PTPRM: variants seen among roughly 807,000 people sequenced by gnomAD.
PTPRM encodes receptor-type tyrosine-protein phosphatase mu.
A neutral mutation model predicts 186.7 loss-of-function variants in PTPRM; 47 were observed. The observed-to-expected ratio is 0.25, with a 90% CI of 0.20 to 0.32. The LOEUF is 0.32. Ranked by LOEUF, PTPRM falls within the 10% of genes least tolerant of loss-of-function variation. PTPRM has a pLI of 1.00. For missense variants in PTPRM, 1,494 were observed against 1,865.0 expected, an observed-to-expected ratio of 0.80 and a Z score of 3.66; for synonymous variants, 668 against 674.9, an observed-to-expected ratio of 0.99 and a Z score of 0.16.
At chr18:8,235,385 A>G (rs1417809112) in intron 14 of PTPRM, among the ~76,000 whole-genome samples, 1 of 150,128 alleles carries the variant, frequency 6.7e-6, no homozygotes, top group East Asian at 2.0e-4. Flanking sequence ...ATTCTTTATT[A>G]TCCTTTTAAT....
chr18:7,983,413 G>T (rs2082664956), intron 7 of PTPRM, among the ~76,000 whole-genome samples: 1 of 151,992 alleles, frequency 6.6e-6, no homozygotes, highest in African/African-American at 2.4e-5. Context: ...AAAAAGTTTG[G>T]GGCCTGTTGG....
intron 1 of PTPRM, among the ~76,000 whole-genome samples, chr18:7,771,328 T>A (rs1286616108): frequency 2.6e-5 from 4 of 152,230 alleles, no homozygotes; most frequent in Non-Finnish European, 5.9e-5. Context: ...CATTTGAGCT[T>A]ATTGCTAGAA....
At chr18:7,858,471 T>C (rs904199625) in intron 2 of PTPRM, among the ~76,000 whole-genome samples, 23 of 152,222 alleles carry the variant, frequency 1.5e-4, no homozygotes, top group African/African-American at 5.3e-4. Flanking sequence ...GGTGGGAAGA[T>C]TGATCGCTTG....
chr18:8,172,265 C>CTTT (rs869079652), intron 14 of PTPRM, among the ~76,000 whole-genome samples: 1 of 137,828 alleles, frequency 7.3e-6, no homozygotes. Context: ...AAGTCTTGAC[C>CTTT]TTTTTTTTTT....
At chr18:7,961,258 A>G (rs564132329) in intron 7 of PTPRM, among the ~76,000 whole-genome samples, 1 of 152,302 alleles carries the variant, frequency 6.6e-6, no homozygotes, top group African/African-American at 2.4e-5. Flanking sequence ...GAAACACTGC[A>G]TCCACTAAAC....
intron 14 of PTPRM, 140 bp from the exon 15 acceptor site, chr18:8,243,918 A>G (rs1199905866): frequency 6.3e-6 from 5 of 798,654 alleles, no homozygotes; most frequent in Non-Finnish European, 7.6e-6. Flanking sequence ...TGCTTGCCAC[A>G]AATAAGGCAC....
chr18:8,116,031 T>C (rs1318583926), intron 13 of PTPRM, among the ~76,000 whole-genome samples: 2 of 152,244 alleles, frequency 1.3e-5, no homozygotes, highest in Non-Finnish European at 2.9e-5. Context: ...TGTACCTAAG[T>C]GACTTTATGT....
intron 14 of PTPRM, among the ~76,000 whole-genome samples, chr18:8,240,523 A>G (rs867221434): frequency 1.9e-5 from 2 of 103,326 alleles, no homozygotes; most frequent in African/African-American, 8.2e-5. Flanking sequence ...GGAAGGAAGG[A>G]AGGAAGGAAG....
intron 22 of PTPRM, among the ~76,000 whole-genome samples, chr18:8,338,282 A>T (rs1364872122): frequency 6.7e-6 from 1 of 150,358 alleles, no homozygotes; most frequent in Non-Finnish European, 1.5e-5. Context: ...ATAATTTAAA[A>T]ATATATATAT....
intron 2 of PTPRM, among the ~76,000 whole-genome samples, chr18:7,838,971 C>T (rs1425546352): frequency 2.0e-5 from 3 of 152,226 alleles, no homozygotes; most frequent in African/African-American, 7.2e-5. Context: ...ACAGGGAGTA[C>T]TGCCAGACTA....
At chr18:7,585,242 T>C (rs1343976291) in intron 1 of PTPRM, among the ~76,000 whole-genome samples, 1 of 152,126 alleles carries the variant, frequency 6.6e-6, no homozygotes, top group Non-Finnish European at 1.5e-5. Context: ...AACTTTTACA[T>C]AGTCTTTTGA....
At chr18:7,820,294 G>A (rs556952055) in intron 2 of PTPRM, among the ~76,000 whole-genome samples, 12 of 152,254 alleles carry the variant, frequency 7.9e-5, no homozygotes, top group Admixed American at 6.5e-5. Flanking sequence ...CCTGGCCGGG[G>A]ATTGGTGAGG....
chr18:8,305,474 A>G (rs1036574478), intron 20 of PTPRM, among the ~76,000 whole-genome samples: 1 of 152,224 alleles, frequency 6.6e-6, no homozygotes, highest in Non-Finnish European at 1.5e-5. Context: ...ACTCTATAAT[A>G]TAGGCAGTAT....
intron 7 of PTPRM, among the ~76,000 whole-genome samples, chr18:8,067,523 A>G (rs2148421202): frequency 6.6e-6 from 1 of 152,350 alleles, no homozygotes; most frequent in African/African-American, 2.4e-5. Context: ...TACAGGACAG[A>G]GTAGCATGAA....
chr18:8,099,149 CTCTCTCTCTT>C (rs978493537), intron 11 of PTPRM, among the ~76,000 whole-genome samples: 3 of 151,592 alleles, frequency 2.0e-5, no homozygotes, highest in Non-Finnish European at 4.4e-5. Context: ...TTCTCTCTCT[CTCTCTCTCTT>C]TCTCTCTCTC....
intron 7 of PTPRM, among the ~76,000 whole-genome samples, chr18:8,017,091 C>T (rs1470007787): frequency 6.6e-6 from 1 of 152,036 alleles, no homozygotes; most frequent in Non-Finnish European, 1.5e-5. Context: ...TTGCTAATTC[C>T]TGACAGTATT....
chr18:8,292,445 T>C (rs974027190), intron 19 of PTPRM, among the ~76,000 whole-genome samples: 13 of 152,234 alleles, frequency 8.5e-5, no homozygotes, highest in African/African-American at 3.1e-4. Context: ...GTGGTCTTAA[T>C]AATCCAAATG....
intron 7 of PTPRM, among the ~76,000 whole-genome samples, chr18:8,002,815 C>T (rs1277948582): frequency 1.3e-5 from 2 of 152,158 alleles, no homozygotes; most frequent in Non-Finnish European, 2.9e-5. Flanking sequence ...AACATTTCTC[C>T]GTGATTGCAA....
At chr18:7,980,830 G>A (rs1349640043) in intron 7 of PTPRM, among the ~76,000 whole-genome samples, 1 of 152,160 alleles carries the variant, frequency 6.6e-6, no homozygotes. Context: ...AGCCAGGCAT[G>A]CTACATGCTG....
Sources: allele counts gnomAD v4.1 joint callset (sites outside exome capture counted in the v4.1 genomes callset), GRCh38; gene constraint gnomAD v4.1.1; transcripts MANE v1.5; gene names NCBI Gene and HGNC (gene_info 2026-07-23, HGNC 2026-07-21).